The following RPIA variants were observed in gnomAD, a reference collection of about 807,000 sequenced individuals.
RPIA encodes the protein ribose-5-phosphate isomerase.
RPIA carries 29 observed loss-of-function variants against 37.8 expected under a neutral mutation model. The ratio of observed to expected loss-of-function variants is 0.77; its 90% CI spans 0.57 to 1.05. The LOEUF (loss-of-function observed/expected upper bound fraction) is 1.05, where lower values mean the gene tolerates loss of function less well. Among genes scored for constraint, RPIA ranks in the 50% least tolerant of loss-of-function variants. The pLI, the probability that RPIA is intolerant of heterozygous loss-of-function variation, is 0.00. For missense variants in RPIA, 385 were observed against 413.6 expected (o/e 0.93, Z 0.60); for synonymous variants, 167 against 157.0 (o/e 1.06, Z -0.48).
At chr2:88,692,078 C>A in intron 1 of RPIA, 95 bp downstream of exon 1, 1 of 1,463,300 alleles carries the variant, frequency 6.8e-7, no homozygotes, top group Non-Finnish European at 9.1e-7. Flanking sequence ...CGCCTAGCTC[C>A]TGGCAGGGCG....
In RPIA at chr2:88,748,847, A is replaced by G. The variant is rs367896991; in HGVS notation, c.839-1134A>G. ...CACCTCAGCCTCCTGAGTAGCTGGG[A>G]CTGCAGGCATGTGCCAGCATGCTTG... is the stretch of plus-strand genomic sequence containing the variant. On this transcript the variant is annotated intron_variant, in intron 8 of 8. Coordinates refer to ENST00000283646, the MANE Select transcript of RPIA (RefSeq NM_144563.3). 3.3e-5 allele frequency among the ~76,000 whole-genome samples: 5 copies of G among 152,206 alleles called. No individual in the cohort carries two copies. In the South Asian group the frequency reaches 6.2e-4, roughly 19 times the overall value.
chr2:88,709,152 T>G (rs1233892807), intron 3 of RPIA, among the ~76,000 whole-genome samples: 1 of 152,240 alleles, frequency 6.6e-6, no homozygotes, highest in Non-Finnish European at 1.5e-5. Flanking sequence ...TGGGCCAGAT[T>G]TTACAAATTG....
rs373533852 is a variant in RPIA, at chr2:88,695,944, G to T, written c.286-2540G>T. 2.5e-4 allele frequency among the ~76,000 whole-genome samples: 38 copies of T among 150,372 alleles called. No homozygotes were observed. In the South Asian group the frequency reaches 6.9e-3, roughly 27 times the overall value. Reference sequence around the variant, plus strand: ...TTAGTATTTGATTTTTTTTTTTTTGGTAACTCTACTTGTTGGTCATTCTTT... The same window carrying T: ...TTAGTATTTGATTTTTTTTTTTTTGTTAACTCTACTTGTTGGTCATTCTTT... On this transcript the variant is annotated intron_variant, in intron 1 of 8. Coordinates refer to ENST00000283646, the MANE Select transcript of RPIA (RefSeq NM_144563.3).
At position 88,696,805 on chromosome 2, in the gene RPIA, TGA is replaced by T. The variant is rs529283000; in HGVS notation, c.286-1672_286-1671del. 2.5e-3 allele frequency among the ~76,000 whole-genome samples: 374 copies of T among 152,280 alleles called. 1 individual carries two copies. The highest frequency in any genetic ancestry group is 8.5e-3 in the African/African-American group (354 of 41,544). ...CCAATATCAAGGCGTTGGCATCTGG[TGA>T]GAGAGACAGATGTTGAAGTGCTATG... On this transcript the variant is annotated intron_variant, in intron 1 of 8. Transcript: ENST00000283646.
chr2:88,691,714 C>A lies in RPIA; in HGVS notation c.16C>A (p.Pro6Thr). 1 of 1,577,800 alleles carries A rather than the reference C, an allele frequency of 6.3e-7. No individual in the cohort carries two copies. Among genetic ancestry groups the A allele is most frequent in the South Asian group, 1.1e-5 (1 of 88,008 alleles). ...AGGCGTCGGGATGCAGCGCCCCGGG[C>A]CCTTCAGCACCCTCTACGGGCGGGT... The part of the protein sequence containing the change: MQRPG[P>T]FSTLYGRVLA... Residue 6 changes from proline (P) to threonine (T), a missense_variant, in exon 1 of 9, where the codon CCC becomes ACC. Coordinates refer to ENST00000283646, the MANE Select transcript of RPIA (RefSeq NM_144563.3).
chr2:88,722,239 A>T (rs951734719), intron 3 of RPIA, among the ~76,000 whole-genome samples: 5 of 152,012 alleles, frequency 3.3e-5, no homozygotes, highest in African/African-American at 1.2e-4. Flanking sequence ...CATAACCTTT[A>T]AAAAAGCTTT....
At chr2:88,714,045 T>G (rs761939833) in intron 3 of RPIA, among the ~76,000 whole-genome samples, 1 of 152,200 alleles carries the variant, frequency 6.6e-6, no homozygotes, top group African/African-American at 2.4e-5. Context: ...TCACTCCTTT[T>G]AAGTACAATT....
intron 3 of RPIA, among the ~76,000 whole-genome samples, chr2:88,714,916 C>T (rs1163055771): frequency 2.6e-5 from 4 of 152,158 alleles, no homozygotes; most frequent in Non-Finnish European, 1.5e-5. Context: ...CTAAGACCAG[C>T]GTTTGACCTT....
At chr2:88,710,273 T>C (rs1037067693) in intron 3 of RPIA, among the ~76,000 whole-genome samples, 9 of 152,160 alleles carry the variant, frequency 5.9e-5, no homozygotes, top group African/African-American at 2.2e-4. Context: ...CTCGAACTCC[T>C]GGGCTCAAGT....
At chr2:88,734,071 C>T (rs887312109) in intron 4 of RPIA, among the ~76,000 whole-genome samples, 3 of 151,926 alleles carry the variant, frequency 2.0e-5, no homozygotes, top group Non-Finnish European at 4.4e-5. Flanking sequence ...ACAGTTAGTA[C>T]AGAGACTTCT....
At chr2:88,729,480 G>A (rs1299031689) in intron 4 of RPIA, 143 bp downstream of exon 4, 1 of 864,426 alleles carries the variant, frequency 1.2e-6, no homozygotes. Context: ...GGGACCTTGA[G>A]TATTAATTTT....
chr2:88,719,876 A>G (rs1412689664), intron 3 of RPIA, among the ~76,000 whole-genome samples: 5 of 152,160 alleles, frequency 3.3e-5, no homozygotes, highest in Non-Finnish European at 7.4e-5. Context: ...AGGTGCCCAT[A>G]TGCTGGTCTT....
At chr2:88,705,316 A>G (rs779316583) in intron 3 of RPIA, among the ~76,000 whole-genome samples, 11 of 152,242 alleles carry the variant, frequency 7.2e-5, no homozygotes, top group Non-Finnish European at 1.3e-4. Flanking sequence ...ACTTCAAACT[A>G]TAGTAACCAA....
At chr2:88,721,757 CAT>C (rs921714792) in intron 3 of RPIA, among the ~76,000 whole-genome samples, 1 of 149,282 alleles carries the variant, frequency 6.7e-6, no homozygotes, top group Admixed American at 6.7e-5. Flanking sequence ...TGTATTGAAA[CAT>C]ATATTAATAG....
At chr2:88,744,272 T>C (rs1277234659) in intron 8 of RPIA, among the ~76,000 whole-genome samples, 1 of 152,264 alleles carries the variant, frequency 6.6e-6, no homozygotes, top group African/African-American at 2.4e-5. Flanking sequence ...CCAGAGATCA[T>C]TCAGGAGCAG....
At chr2:88,692,082 C>A in intron 1 of RPIA, 99 bp downstream of exon 1, 2 of 1,446,440 alleles carry the variant, frequency 1.4e-6, no homozygotes, top group Non-Finnish European at 1.9e-6. Context: ...TAGCTCCTGG[C>A]AGGGCGGGAG....
intron 8 of RPIA, among the ~76,000 whole-genome samples, chr2:88,745,164 T>A (rs1673425855): frequency 6.6e-6 from 1 of 152,152 alleles, no homozygotes; most frequent in Non-Finnish European, 1.5e-5. Context: ...TTCACCATAT[T>A]GGCCAGGCTG....
chr2:88,736,953 G>GA (rs1327340728), intron 7 of RPIA, among the ~76,000 whole-genome samples: 1 of 152,174 alleles, frequency 6.6e-6, no homozygotes, highest in Non-Finnish European at 1.5e-5. Context: ...TCCCACAGGT[G>GA]ATCTGACCTT....
intron 3 of RPIA, among the ~76,000 whole-genome samples, chr2:88,708,932 A>G (rs940379300): frequency 7.9e-5 from 12 of 151,900 alleles, no homozygotes; most frequent in Non-Finnish European, 1.2e-4. Context: ...AATTTTTTGT[A>G]TATTTAGTAG....
Sources: allele counts gnomAD v4.1 joint callset (sites outside exome capture counted in the v4.1 genomes callset), GRCh38; gene constraint gnomAD v4.1.1; transcripts MANE v1.5; gene names NCBI Gene and HGNC (gene_info 2026-07-23, HGNC 2026-07-21).